MRPL46: variants seen among roughly 807,000 people sequenced by gnomAD.
MRPL46 encodes the protein large ribosomal subunit protein mL46.
MRPL46 carries 26 observed loss-of-function variants against 31.0 expected under a neutral mutation model. The ratio of observed to expected loss-of-function variants is 0.84; its 90% CI spans 0.61 to 1.16. The LOEUF is 1.16. MRPL46 is among the 50% of genes most tolerant of loss of function. MRPL46 has a pLI of 0.00. For missense variants in MRPL46, 395 were observed against 340.0 expected, an observed-to-expected ratio of 1.16 and a Z score of -1.27; for synonymous variants, 159 against 141.3, an observed-to-expected ratio of 1.13 and a Z score of -0.89.
Position 88,467,261 on chromosome 15 carries a change from T to C in MRPL46, c.117A>G (p.Ser39=), listed in dbSNP as rs757940578. 5.0e-6 allele frequency: 8 copies of C among 1,613,900 alleles called. No homozygotes were observed. In the Admixed American group the frequency reaches 1.0e-4, roughly 20 times the overall value. ...SRSLALAAAP[S]SNGSPWRLLG... is the part of the protein sequence containing the mutation. ...ACAAGCGCCATGGGGATCCGTTGCT[T>C]GAGGGTGCGGCTGCAAGAGCCAGGC... Residue 39 remains serine (S), a synonymous_variant, in exon 1 of 4, where the codon TCA becomes TCG. Transcript: ENST00000312475.
At chr15:88,464,517 A>C (rs1407598785) in intron 3 of MRPL46, 186 bp downstream of exon 3, 1 of 613,640 alleles carries the variant, frequency 1.6e-6, no homozygotes, top group Non-Finnish European at 2.7e-6. Flanking sequence ...TGGTCTAAAA[A>C]TAAAAATAAA....
intron 1 of MRPL46, 50 bp from the exon 2 acceptor site, chr15:88,465,823 A>AG: frequency 6.7e-7 from 1 of 1,485,886 alleles, no homozygotes; most frequent in Non-Finnish European, 8.9e-7. Context: ...CAAAATTAAA[A>AG]GGAAAAAAAA....
intron 2 of MRPL46, chr15:88,465,085 G>A: frequency 6.1e-6 from 3 of 488,614 alleles, no homozygotes; most frequent in Non-Finnish European, 1.0e-5. Context: ...GAAATCAAGA[G>A]GTAAGCTTCT....
rs140674854 is a variant in MRPL46 at position 88,467,083 on chromosome 15, A to G, written c.228+67T>C. Reference sequence around the variant, plus strand: ...AAGTACCGTATACTTAAGTTCAGAGAGGTGAAATTACTCGCTCAAAGTCAC... The same window carrying G: ...AAGTACCGTATACTTAAGTTCAGAGGGGTGAAATTACTCGCTCAAAGTCAC... On this transcript the variant is annotated intron_variant, in intron 1 of 3. Coordinates refer to ENST00000312475, the MANE Select transcript of MRPL46 (RefSeq NM_022163.4). 4.5e-6 allele frequency: 7 copies of G among 1,540,202 alleles called. No individual in the cohort carries two copies. The East Asian group carries it at 1.6e-4, about 35-fold the overall frequency.
In MRPL46 at chr15:88,459,925, T is replaced by C. The variant is rs1008509785; in HGVS notation, c.590-62A>G. 6 of 1,588,648 alleles carry C rather than the reference T, an allele frequency of 3.8e-6. No individual in the cohort carries two copies. In the African/African-American group the frequency reaches 8.1e-5, roughly 21 times the overall value. ...TAAGGATACAGCCATCTGTTTACTC[T>C]GGCTCCCAAAATTATAGGGGGTCCC... On this transcript the variant is annotated intron_variant, in intron 3 of 3. Coordinates refer to ENST00000312475, the MANE Select transcript of MRPL46 (RefSeq NM_022163.4).
At chr15:88,460,902 A>G (rs1480914414) in intron 3 of MRPL46, 1 of 151,794 alleles carries the variant, frequency 6.6e-6, no homozygotes, top group Non-Finnish European at 1.5e-5. Flanking sequence ...CACTCAGCTA[A>G]TTTTTTTTCT....
Position 88,459,802 on chromosome 15 carries a change from G to C in MRPL46, c.651C>G (p.Phe217Leu), listed in dbSNP as rs1401135762. 2 of 1,614,096 alleles carry C rather than the reference G, an allele frequency of 1.2e-6. No homozygotes were observed. The highest frequency in any genetic ancestry group is 2.7e-5 in the African/African-American group (2 of 74,940). Residue 217 changes from phenylalanine to leucine, a missense_variant, in exon 4 of 4, where the codon TTC (phenylalanine) becomes TTG (leucine). By Grantham distance (22) the Phe-to-Leu change is conservative. Transcript: ENST00000312475. ...NAPCGHYTFK[F>L]PQAMRTESNL... is the part of the protein sequence containing the mutation. ...TACTCTCTGTCCGCATTGCCTGGGG[G>C]AACTTGAATGTGTAGTGCCCACAGG...
Position 88,459,617 on chromosome 15 carries a change from A to G in MRPL46, c.836T>C (p.Leu279Pro). Reference protein sequence around the residue: ...LAQVRRFVSDL With the variant: ...LAQVRRFVSDP ...GTCCACAGGCAGCTCGGCCCATCAG[A>G]GGTCTGAAACAAACCTCCTAACTTG... is the stretch of plus-strand genomic sequence containing the variant. Residue 279 changes from leucine (L) to proline (P), a missense_variant, in exon 4 of 4, where the codon CTC becomes CCC. Coordinates refer to ENST00000312475, the MANE Select transcript of MRPL46 (RefSeq NM_022163.4). The G allele has an allele frequency of 1.2e-6, 2 of 1,613,998 alleles. No homozygotes were observed. The highest frequency in any genetic ancestry group is 8.5e-7 in the Non-Finnish European group (1 of 1,180,016).
intron 1 of MRPL46, among the ~76,000 whole-genome samples, chr15:88,466,875 C>T (rs1004784212): frequency 6.6e-6 from 1 of 152,206 alleles, no homozygotes; most frequent in African/African-American, 2.4e-5. Flanking sequence ...CTTGTAAGCT[C>T]CTAGTGACAC....
chr15:88,459,899 G>T (rs1211446015), intron 3 of MRPL46, 36 bp from the exon 4 acceptor site: 1 of 1,612,068 alleles, frequency 6.2e-7, no homozygotes, highest in East Asian at 2.2e-5. Flanking sequence ...CAATTGGAAG[G>T]TAAGGATACA....
intron 1 of MRPL46, among the ~76,000 whole-genome samples, chr15:88,466,709 C>G (rs117846381): frequency 6.6e-6 from 1 of 152,224 alleles, no homozygotes; most frequent in Non-Finnish European, 1.5e-5. Context: ...AGCCACTACA[C>G]TGTTTTTGCC....
chr15:88,465,878 G>T (rs978877861), intron 1 of MRPL46, 105 bp from the exon 2 acceptor site: 10 of 1,083,216 alleles, frequency 9.2e-6, no homozygotes, highest in Non-Finnish European at 1.2e-5. Flanking sequence ...GGCAAGCTCA[G>T]AAGTTTATCA....
chr15:88,463,856 A>G lies in MRPL46; in HGVS notation c.589+847T>C, dbSNP rs1057136288. 1.3e-5 allele frequency: 2 copies of G among 152,270 alleles called. No individual in the cohort carries two copies. The highest frequency in any genetic ancestry group is 4.8e-5 in the African/African-American group (2 of 41,472). 9.4% of individuals were successfully genotyped at this position (152,270 alleles called of 1,614,324 possible). ...TCAGGGCAAATAAGATTTGCAGGCC[A>G]TGCTTGACAGTTAGAATTTTTATTG... On this transcript the variant is annotated intron_variant, in intron 3 of 3. Transcript: ENST00000312475. This position sits in a 1 kb window ranked among gnomAD's most constrained non-coding sequence, Gnocchi z 5.4.
chr15:88,466,429 C>T (rs2055534701), intron 1 of MRPL46, among the ~76,000 whole-genome samples: 1 of 152,228 alleles, frequency 6.6e-6, no homozygotes, highest in Non-Finnish European at 1.5e-5. Flanking sequence ...CTCAACTAGA[C>T]TGAAGTACTC....
chr15:88,466,683 G>T (rs1382802105), intron 1 of MRPL46, among the ~76,000 whole-genome samples: 2 of 152,144 alleles, frequency 1.3e-5, no homozygotes, highest in Non-Finnish European at 2.9e-5. Context: ...TTTCTGTAGC[G>T]ACCTCACACC....
At chr15:88,460,190 G>GA in intron 3 of MRPL46, 1 of 283,288 alleles carries the variant, frequency 3.5e-6, no homozygotes, top group South Asian at 4.8e-5. Context: ...ATCTGCTGGC[G>GA]AATCAGCCCA....
At chr15:88,465,824 G>GA in intron 1 of MRPL46, 51 bp from the exon 2 acceptor site, 1 of 1,458,924 alleles carries the variant, frequency 6.9e-7, no homozygotes. Context: ...AAAATTAAAA[G>GA]GAAAAAAAAA....
chr15:88,466,854 C>T (rs2055542633), intron 1 of MRPL46, among the ~76,000 whole-genome samples: 1 of 152,196 alleles, frequency 6.6e-6, no homozygotes, highest in South Asian at 2.1e-4. Flanking sequence ...CAAAGACTTT[C>T]TCCCTCCAGA....
chr15:88,460,569 C>T (rs1196629961), intron 3 of MRPL46: 1 of 152,280 alleles, frequency 6.6e-6, no homozygotes, highest in African/African-American at 2.4e-5. Flanking sequence ...ATCTGAAGAA[C>T]TGATTAGCCA....
Sources: allele counts gnomAD v4.1 joint callset (sites outside exome capture counted in the v4.1 genomes callset), GRCh38; gene constraint gnomAD v4.1.1; non-coding constraint Gnocchi (gnomAD v3.1); transcripts MANE v1.5; gene names NCBI Gene and HGNC (gene_info 2026-07-23, HGNC 2026-07-21).